Variants in TUSC3 observed in about 807,000 individuals in gnomAD.
The protein encoded by TUSC3 is tumor suppressor candidate 3.
TUSC3 carries 45 observed loss-of-function variants against 44.8 expected under a neutral mutation model. That is an observed-to-expected ratio of 1.00 (90% CI 0.79 to 1.29). The LOEUF is 1.29. Among genes scored for constraint, TUSC3 ranks in the 50% most tolerant of loss-of-function variants. The pLI, the probability that TUSC3 is intolerant of heterozygous loss-of-function variation, is 0.00. For synonymous variants in TUSC3, 212 were observed against 152.9 expected (o/e 1.39, Z -2.85); for missense variants, 519 against 437.9 (o/e 1.19, Z -1.65).
chr8:15,621,535 T>A (rs991459858), intron 1 of TUSC3, among the ~76,000 whole-genome samples: 22 of 145,498 alleles, frequency 1.5e-4, no homozygotes, highest in African/African-American at 9.9e-5. Flanking sequence ...TATATATATA[T>A]AAAGTATATT....
the TUSC3 span, among the ~76,000 whole-genome samples, chr8:15,783,939 A>G: frequency 3.3e-5 from 5 of 152,338 alleles, no homozygotes; most frequent in Admixed American, 3.3e-4. Context: ...AAATGTTAGC[A>G]AATTATGCAT....
chr8:15,815,201 A>C, the TUSC3 span, among the ~76,000 whole-genome samples: 6 of 152,154 alleles, frequency 3.9e-5, no homozygotes, highest in Admixed American at 6.5e-5. Context: ...ACTTCAAGGA[A>C]GGTATTGCAC....
intron 5 of TUSC3, among the ~76,000 whole-genome samples, chr8:15,668,604 C>A (rs558456086): frequency 1.6e-4 from 24 of 151,674 alleles, no homozygotes; most frequent in African/African-American, 5.8e-4. Context: ...GAACATATGT[C>A]CAAAATCTTG....
chr8:15,663,151 G>A (rs77450644), intron 5 of TUSC3, among the ~76,000 whole-genome samples: 1,656 of 151,604 alleles, frequency 0.011, 32 homozygotes, highest in African/African-American at 0.038. Flanking sequence ...AATAGGAAGG[G>A]AAAATATAAG....
At chr8:15,704,172 G>C (rs1809519295) in intron 6 of TUSC3, among the ~76,000 whole-genome samples, 1 of 151,406 alleles carries the variant, frequency 6.6e-6, no homozygotes, top group Non-Finnish European at 1.5e-5. Flanking sequence ...GCAGAGACCT[G>C]AAGGAAATGA....
intron 1 of TUSC3, among the ~76,000 whole-genome samples, chr8:15,562,221 A>G (rs567259196): frequency 6.6e-6 from 1 of 152,202 alleles, no homozygotes; most frequent in African/African-American, 2.4e-5. Flanking sequence ...TGATTTACCA[A>G]CACTGTTATC....
At chr8:15,838,707 T>A in the TUSC3 span, among the ~76,000 whole-genome samples, 1 of 152,174 alleles carries the variant, frequency 6.6e-6, no homozygotes, top group African/African-American at 2.4e-5. Context: ...TTCTGTTCCA[T>A]TGGTCTATAT....
At chr8:15,515,732 A>G (rs1041980233) in intron 2 of TUSC3, among the ~76,000 whole-genome samples, 6 of 152,074 alleles carry the variant, frequency 3.9e-5, no homozygotes, top group African/African-American at 1.4e-4. Context: ...CAGTCATGCA[A>G]TCTCGGCCCA....
chr8:15,430,764 A>T lies in TUSC3; in HGVS notation n.91+13459A>T, dbSNP rs1259789488. Among the ~76,000 whole-genome samples the T allele has an allele frequency of 2.0e-5, 3 of 151,748 alleles. 1 individual carries two copies. The highest frequency in any genetic ancestry group is 7.3e-5 in the African/African-American group (3 of 41,036). ...CAGCCCAAAATCTCCTTAAGCTGAT[A>T]AGCAACTTCAGCAAAATCTCAGGCT... On this transcript the variant is annotated intron_variant and non_coding_transcript_variant, in intron 1 of 5. Transcript: ENST00000503191.
At chr8:15,627,459 C>A (rs951455751) in intron 2 of TUSC3, among the ~76,000 whole-genome samples, 10 of 152,248 alleles carry the variant, frequency 6.6e-5, no homozygotes, top group Admixed American at 1.3e-4. Context: ...TGGACAAGAA[C>A]TTGGGACCTG....
chr8:15,847,518 A>G, the TUSC3 span, among the ~76,000 whole-genome samples: 1 of 152,094 alleles, frequency 6.6e-6, no homozygotes, highest in Non-Finnish European at 1.5e-5. Flanking sequence ...CCTCACGCAA[A>G]TACGTTCTAC....
At chr8:15,473,257 T>A (rs187077608) in intron 1 of TUSC3, among the ~76,000 whole-genome samples, 14 of 152,310 alleles carry the variant, frequency 9.2e-5, no homozygotes, top group African/African-American at 3.4e-4. Flanking sequence ...GGTAAATAAT[T>A]AAAGTATTAT....
chr8:15,774,087 G>A, the TUSC3 span, among the ~76,000 whole-genome samples: 1 of 152,068 alleles, frequency 6.6e-6, no homozygotes, highest in Admixed American at 6.6e-5. Context: ...AAGCACTATG[G>A]AGAGCAATTA....
At chr8:15,629,484 T>A (rs1382434988) in intron 2 of TUSC3, among the ~76,000 whole-genome samples, 2 of 151,326 alleles carry the variant, frequency 1.3e-5, no homozygotes, top group Non-Finnish European at 2.9e-5. Flanking sequence ...TATTTCTGAG[T>A]AATAAATGAA....
intron 5 of TUSC3, among the ~76,000 whole-genome samples, chr8:15,670,147 G>T (rs1807879123): frequency 6.6e-6 from 1 of 151,768 alleles, no homozygotes; most frequent in Non-Finnish European, 1.5e-5. Context: ...TAATGGATTG[G>T]TAGACTCAAC....
At chr8:15,829,740 T>TA in the TUSC3 span, among the ~76,000 whole-genome samples, 1 of 152,132 alleles carries the variant, frequency 6.6e-6, no homozygotes, top group African/African-American at 2.4e-5. Flanking sequence ...TCTGTTTTCT[T>TA]AAAACTATTT....
chr8:15,840,113 AAACT>A, the TUSC3 span, among the ~76,000 whole-genome samples: 19 of 152,216 alleles, frequency 1.2e-4, no homozygotes, highest in Non-Finnish European at 2.1e-4. Flanking sequence ...CATTCTCAGC[AAACT>A]ATCGCAAGAC....
At position 15,552,458 on chromosome 8, in the gene TUSC3, C is replaced by G. The variant is rs182068253; in HGVS notation, c.138+11890C>G. Among the ~76,000 whole-genome samples the G allele has an allele frequency of 1.1e-3, 169 of 151,690 alleles. 3 individuals carry two copies. The highest frequency in any genetic ancestry group is 0.01 in the Middle Eastern group (3 of 294). On this transcript the variant is annotated intron_variant, in intron 1 of 10. Transcript: ENST00000503731. ...GCAGTTATAATGTAATATAAGAAGT[C>G]AATAAACTGGGAAATAATGGGCGCT... is the stretch of plus-strand genomic sequence containing the variant.
intron 2 of TUSC3, among the ~76,000 whole-genome samples, chr8:15,497,997 C>G (rs11203707): frequency 0.43 from 65,859 of 151,976 alleles, 15,973 homozygotes; most frequent in Admixed American, 0.59. Context: ...GATCCGCCCC[C>G]CTTCGGCCTT....
Sources: gnomAD v4.1 joint callset for allele counts (sites outside exome capture counted in the v4.1 genomes callset) on GRCh38, gnomAD v4.1.1 for gene constraint, MANE v1.5 for transcripts, NCBI Gene and HGNC (gene_info 2026-07-23, HGNC 2026-07-21) for gene names.